The following KATNAL2 variants were observed in gnomAD, a reference collection of about 807,000 sequenced individuals.
KATNAL2 encodes the protein katanin catalytic subunit A1 like 2.
KATNAL2 carries 52 observed loss-of-function variants against 76.3 expected under a neutral mutation model. The ratio of observed to expected loss-of-function variants is 0.68; its 90% CI spans 0.55 to 0.86. KATNAL2 has a LOEUF of 0.86. Among genes scored for constraint, KATNAL2 ranks in the 40% least tolerant of loss-of-function variants. The pLI, the probability that KATNAL2 is intolerant of heterozygous loss-of-function variation, is 0.00. For missense variants in KATNAL2, 660 were observed against 668.9 expected (o/e 0.99, Z 0.15); for synonymous variants, 243 against 244.2 (o/e 1.00, Z 0.05).
intron 1 of KATNAL2, among the ~76,000 whole-genome samples, chr18:46,923,660 A>T (rs924803057): frequency 1.3e-5 from 2 of 152,186 alleles, no homozygotes; most frequent in Non-Finnish European, 2.9e-5. Context: ...ACTGACTTCC[A>T]CAATGGTTGA....
At chr18:47,031,672 C>G (rs557981940) in intron 3 of KATNAL2, among the ~76,000 whole-genome samples, 44 of 152,220 alleles carry the variant, frequency 2.9e-4, no homozygotes, top group African/African-American at 1.0e-3. Context: ...GAGATGGGAT[C>G]TTTTTCATAT....
intron 3 of KATNAL2, among the ~76,000 whole-genome samples, chr18:47,043,087 C>G (rs1191833981): frequency 1.3e-5 from 2 of 151,898 alleles, no homozygotes; most frequent in African/African-American, 4.8e-5. Flanking sequence ...ATTAGCCGAG[C>G]GTGGTGGCGG....
chr18:46,940,479 T>C (rs956918428), intron 1 of KATNAL2, among the ~76,000 whole-genome samples: 1 of 152,224 alleles, frequency 6.6e-6, no homozygotes, highest in Non-Finnish European at 1.5e-5. Context: ...AATGACAGGA[T>C]ACATTTTTTA....
At chr18:47,033,952 G>A in intron 3 of KATNAL2, 1 of 1,613,146 alleles carries the variant, frequency 6.2e-7, no homozygotes, top group Non-Finnish European at 8.5e-7. Context: ...CAGCCTCTCT[G>A]ACTGGCTTTC....
At chr18:47,063,520 C>T (rs1299927654) in intron 10 of KATNAL2, among the ~76,000 whole-genome samples, 159 bp downstream of exon 10, 1 of 152,040 alleles carries the variant, frequency 6.6e-6, no homozygotes, top group African/African-American at 2.4e-5. Flanking sequence ...CACAATAATG[C>T]ATGATAAATA....
chr18:47,034,703 C>T lies in KATNAL2; in HGVS notation c.52-11754C>T, dbSNP rs1302754537. ...CCTCTTCCGGGTTGCTTCCCGGGCG[C>T]AGCGGGCTCAGGGCCCTCGGGCATC... On this transcript the variant is annotated intron_variant, in intron 3 of 17. Coordinates refer to ENST00000683218, the MANE Select transcript of KATNAL2 (RefSeq NM_001387690.1). 5.0e-6 allele frequency: 8 copies of T among 1,612,850 alleles called. No homozygotes were observed. In the East Asian group the frequency reaches 8.9e-5, roughly 18 times the overall value.
intron 15 of KATNAL2, among the ~76,000 whole-genome samples, chr18:47,087,752 C>CTGTGTGTGTGTGTGTG (rs35852657): frequency 1.3e-4 from 19 of 148,548 alleles, no homozygotes; most frequent in African/African-American, 3.2e-4. Context: ...TCTTTTACAT[C>CTGTGTGTGTGTGTGTG]TGTGTGTGTG....
At chr18:46,920,918 T>G (rs1357551192) in intron 1 of KATNAL2, among the ~76,000 whole-genome samples, 2 of 152,214 alleles carry the variant, frequency 1.3e-5, no homozygotes, top group Non-Finnish European at 2.9e-5. Flanking sequence ...GCCAGCCACA[T>G]GCTGAACTCT....
intron 1 of KATNAL2, among the ~76,000 whole-genome samples, chr18:46,930,606 A>C (rs545079878): frequency 1.9e-4 from 29 of 152,138 alleles, no homozygotes; most frequent in Admixed American, 7.2e-4. Context: ...ACCTGAGGTC[A>C]GGAGTTCGAG....
intron 3 of KATNAL2, among the ~76,000 whole-genome samples, chr18:46,957,229 G>C (rs2059778729): frequency 6.8e-6 from 1 of 146,500 alleles, no homozygotes; most frequent in Admixed American, 6.8e-5. Flanking sequence ...AGTAGATTGA[G>C]AAAAGCAGAT....
At chr18:47,090,176 G>A (rs1387026539) in intron 15 of KATNAL2, among the ~76,000 whole-genome samples, 1 of 151,792 alleles carries the variant, frequency 6.6e-6, no homozygotes, top group Admixed American at 6.6e-5. Flanking sequence ...GCATGATCTT[G>A]GCTCACTGCA....
intron 3 of KATNAL2, chr18:47,022,408 C>CCGCCGCTCACGCTGCCGCCGT: frequency 6.2e-6 from 1 of 161,780 alleles, no homozygotes; most frequent in Non-Finnish European, 9.6e-6. Context: ...GCTGCTGCCG[C>CCGCCGCTCACGCTGCCGCCGT]CGCCGCTCAC....
chr18:47,078,682 G>C (rs1464699388), intron 15 of KATNAL2, among the ~76,000 whole-genome samples: 14 of 152,148 alleles, frequency 9.2e-5, no homozygotes, highest in Non-Finnish European at 1.5e-4. Context: ...GTGCCCTGGG[G>C]AGACCTACAT....
At chr18:46,962,402 T>C (rs2060009801) in intron 3 of KATNAL2, among the ~76,000 whole-genome samples, 1 of 75,416 alleles carries the variant, frequency 1.3e-5, no homozygotes, top group South Asian at 5.8e-4. Context: ...AAGTCCTTCC[T>C]TATGCACTGG....
chr18:46,959,977 C>T (rs572590929), intron 3 of KATNAL2, among the ~76,000 whole-genome samples: 1 of 152,320 alleles, frequency 6.6e-6, no homozygotes, highest in African/African-American at 2.4e-5. Flanking sequence ...ACTGAGATGG[C>T]ATAATTGGCA....
intron 11 of KATNAL2, 104 bp from the exon 12 acceptor site, chr18:47,069,116 A>C: frequency 2.6e-6 from 2 of 766,114 alleles, no homozygotes; most frequent in Non-Finnish European, 4.4e-6. Flanking sequence ...CCTGAATCTT[A>C]GAGCTGTGCT....
intron 15 of KATNAL2, among the ~76,000 whole-genome samples, chr18:47,092,717 T>G (rs550553929): frequency 6.6e-6 from 1 of 152,172 alleles, no homozygotes; most frequent in African/African-American, 2.4e-5. Context: ...ACCTAGTCTA[T>G]AGAGGAAACC....
rs61316646 is a variant in KATNAL2, at chr18:47,084,299, G to A, written c.1211+6838G>A. On this transcript the variant is annotated intron_variant, in intron 15 of 17. Transcript: ENST00000683218. ...AGCAATGCATGCATGTGATTGGAGG[G>A]ATAAGCAGATGTAACCCTTGTTCTT... is the stretch of plus-strand genomic sequence containing the variant. The A allele has an allele frequency of 1.1e-5, 8 of 702,220 alleles. No homozygotes were observed. In the East Asian group the frequency reaches 1.3e-4, roughly 12 times the overall value. 43.5% of individuals were successfully genotyped at this position (702,220 alleles called of 1,614,324 possible).
chr18:46,950,476 G>A (rs1337626716), intron 3 of KATNAL2, among the ~76,000 whole-genome samples: 1 of 151,934 alleles, frequency 6.6e-6, no homozygotes, highest in African/African-American at 2.4e-5. Flanking sequence ...GTTTATTTTT[G>A]TTGTTTCAAA....
Sources: gnomAD v4.1 joint callset for allele counts (sites outside exome capture counted in the v4.1 genomes callset) on GRCh38, gnomAD v4.1.1 for gene constraint, MANE v1.5 for transcripts, NCBI Gene and HGNC (gene_info 2026-07-23, HGNC 2026-07-21) for gene names.